Variants in MYZAP observed in about 807,000 individuals in gnomAD.
MYZAP encodes GRINL1A complex locus upstream.
MYZAP carries 66 observed loss-of-function variants against 69.4 expected under a neutral mutation model. That is an observed-to-expected ratio of 0.95 (90% CI 0.78 to 1.17). The LOEUF (loss-of-function observed/expected upper bound fraction) is 1.17. Among genes scored for constraint, MYZAP ranks in the 50% most tolerant of loss-of-function variants. The pLI is 0.00. For synonymous variants in MYZAP, 256 were observed against 205.9 expected (o/e 1.24, Z -2.09); for missense variants, 611 against 556.2 (o/e 1.10, Z -0.99).
intron 11 of MYZAP, among the ~76,000 whole-genome samples, chr15:57,663,922 C>T (rs183143150): frequency 5.3e-5 from 8 of 152,036 alleles, no homozygotes; most frequent in African/African-American, 1.9e-4. Flanking sequence ...TTGCTTTTGG[C>T]CACTTCACAC....
chr15:57,644,736 G>C (rs2037353408), intron 10 of MYZAP, among the ~76,000 whole-genome samples: 1 of 152,156 alleles, frequency 6.6e-6, no homozygotes, highest in African/African-American at 2.4e-5. Flanking sequence ...AGAGTGTTGG[G>C]ATTACAGGCG....
At chr15:57,647,945 C>T (rs2037528329) in intron 10 of MYZAP, 2 of 985,250 alleles carry the variant, frequency 2.0e-6, no homozygotes, top group African/African-American at 1.7e-5. Flanking sequence ...CCCGCCACCG[C>T]TTTCCTCCCT....
intron 2 of MYZAP, among the ~76,000 whole-genome samples, chr15:57,616,379 C>A (rs2035446131): frequency 6.6e-6 from 1 of 152,210 alleles, no homozygotes; most frequent in Admixed American, 6.5e-5. Flanking sequence ...GTGGCTCACG[C>A]CTGTGATCCC....
intron 10 of MYZAP, among the ~76,000 whole-genome samples, chr15:57,651,034 A>C (rs1432098857): frequency 6.6e-6 from 1 of 152,172 alleles, no homozygotes; most frequent in African/African-American, 2.4e-5. Context: ...GCCTGATCAG[A>C]TATGAGCTCC....
intron 12 of MYZAP, among the ~76,000 whole-genome samples, chr15:57,683,038 A>T (rs1371157636): frequency 6.6e-6 from 1 of 152,152 alleles, no homozygotes; most frequent in Non-Finnish European, 1.5e-5. Flanking sequence ...ACTGTTGTGG[A>T]TGTTTGGGCA....
At chr15:57,633,882 A>G in intron 8 of MYZAP, 141 bp downstream of exon 8, 1 of 1,084,982 alleles carries the variant, frequency 9.2e-7, no homozygotes, top group Non-Finnish European at 1.2e-6. Flanking sequence ...GCTATAAAAT[A>G]AAGTATAAGG....
intron 1 of MYZAP, among the ~76,000 whole-genome samples, chr15:57,595,848 C>T (rs1371141929): frequency 6.6e-6 from 1 of 152,172 alleles, no homozygotes; most frequent in African/African-American, 2.4e-5. Context: ...CAAAGGCTTC[C>T]TCTGTTAAAC....
chr15:57,661,637 CT>C, intron 11 of MYZAP, 104 bp downstream of exon 11: 1 of 1,031,996 alleles, frequency 9.7e-7, no homozygotes. Flanking sequence ...ATTTCCCGGC[CT>C]TATAAAATTG....
At chr15:57,644,435 A>T (rs1459151210) in intron 10 of MYZAP, among the ~76,000 whole-genome samples, 2 of 151,510 alleles carry the variant, frequency 1.3e-5, no homozygotes, top group South Asian at 4.2e-4. Flanking sequence ...GTGACAGCTC[A>T]CTCTTTTTTT....
intron 1 of MYZAP, among the ~76,000 whole-genome samples, chr15:57,594,893 G>A (rs2033954863): frequency 6.6e-6 from 1 of 152,148 alleles, no homozygotes; most frequent in Non-Finnish European, 1.5e-5. Flanking sequence ...ATACTGTATT[G>A]TTCTGTTATT....
At chr15:57,645,271 G>C (rs2037384394) in intron 10 of MYZAP, among the ~76,000 whole-genome samples, 1 of 152,110 alleles carries the variant, frequency 6.6e-6, no homozygotes, top group South Asian at 2.1e-4. Flanking sequence ...GTTCCTTGGG[G>C]GAAACAAACT....
At chr15:57,645,777 A>G (rs2037412518) in intron 10 of MYZAP, among the ~76,000 whole-genome samples, 1 of 152,198 alleles carries the variant, frequency 6.6e-6, no homozygotes, top group South Asian at 2.1e-4. Context: ...TGTTGGCCAC[A>G]TTCAATCTTT....
chr15:57,653,830 C>T (rs1224617241), intron 10 of MYZAP, among the ~76,000 whole-genome samples: 1 of 151,500 alleles, frequency 6.6e-6, no homozygotes, highest in Non-Finnish European at 1.5e-5. Flanking sequence ...CATAGCGAGA[C>T]CCTGTCTCTA....
chr15:57,591,970 C>A lies in MYZAP; in HGVS notation c.-65C>A, dbSNP rs1450008179. ...CGCGTCGCCCCCGCGCAGGGCGGGC[C>A]CCGCACGCTTATTCTGCCCGGGAGG... On this transcript the variant is annotated 5_prime_UTR_variant, in exon 1 of 13. Transcript: ENST00000267853. 1 of 1,324,608 alleles carries A rather than the reference C, an allele frequency of 7.5e-7. No homozygotes were observed. Among genetic ancestry groups the A allele is most frequent in the Non-Finnish European group, 9.6e-7 (1 of 1,037,746 alleles). The allele number at this position is 1,324,608 out of a possible 1,614,324, so 82.1% of individuals were successfully genotyped here.
chr15:57,631,194 A>G (rs2140434510), intron 6 of MYZAP, among the ~76,000 whole-genome samples: 1 of 152,156 alleles, frequency 6.6e-6, no homozygotes, highest in East Asian at 1.9e-4. Flanking sequence ...TTTTCAGCTT[A>G]GGGGATTTAT....
At position 57,684,492 on chromosome 15, in the gene MYZAP, G is replaced by T; in HGVS notation, c.1395G>T (p.Leu465=). The T allele has an allele frequency of 6.2e-7, 1 of 1,605,630 alleles. No individual in the cohort carries two copies. Among genetic ancestry groups the T allele is most frequent in the South Asian group, 1.1e-5 (1 of 90,480 alleles). The change falls in exon 13 of 13, where the codon CTG becomes CTT. Residue 465 remains leucine, a synonymous_variant. Transcript: ENST00000267853. ...RVLELTMKKT[L]T is the part of the protein sequence containing the mutation. ...TGGAGTTAACCATGAAGAAAACTCT[G>T]ACTTAGGCACTCAGAGGCATACACT... is the stretch of plus-strand genomic sequence containing the variant.
intron 4 of MYZAP, among the ~76,000 whole-genome samples, chr15:57,622,266 A>G (rs982479670): frequency 2.0e-5 from 3 of 152,190 alleles, no homozygotes; most frequent in Non-Finnish European, 4.4e-5. Context: ...AAAATACTAC[A>G]TACCTAGGAG....
At chr15:57,593,178 G>T (rs1231726066) in intron 1 of MYZAP, among the ~76,000 whole-genome samples, 2 of 59,574 alleles carry the variant, frequency 3.4e-5, no homozygotes, top group Admixed American at 2.0e-4. Flanking sequence ...CTTAGGTTGT[G>T]TACACAGGCG....
chr15:57,642,349 A>T (rs1207032060), intron 10 of MYZAP, among the ~76,000 whole-genome samples: 1 of 152,236 alleles, frequency 6.6e-6, no homozygotes, highest in Non-Finnish European at 1.5e-5. Flanking sequence ...TCGTAACTAA[A>T]TCACTTCAGA....
Sources: allele counts gnomAD v4.1 joint callset (sites outside exome capture counted in the v4.1 genomes callset), GRCh38; gene constraint gnomAD v4.1.1; transcripts MANE v1.5; gene names NCBI Gene and HGNC (gene_info 2026-07-23, HGNC 2026-07-21).